RASGRP3: variants seen among roughly 807,000 people sequenced by gnomAD.
The protein encoded by RASGRP3 is RAS guanyl releasing protein 3, also known as ras guanyl-releasing protein 3.
Under a neutral mutation model 82.7 loss-of-function variants are expected in RASGRP3, and 54 were observed. The observed-to-expected ratio is 0.65, with a 90% CI of 0.52 to 0.82. The LOEUF is 0.82. RASGRP3 is among the 40% of genes least tolerant of loss of function. RASGRP3 has a pLI of 0.00. For synonymous variants in RASGRP3, 309 were observed against 300.5 expected (o/e 1.03, Z -0.29); for missense variants, 861 against 828.9 (o/e 1.04, Z -0.48).
intron 5 of RASGRP3, among the ~76,000 whole-genome samples, 180 bp downstream of exon 5, chr2:33,520,194 C>T (rs745710928): frequency 6.6e-6 from 1 of 152,040 alleles, no homozygotes; most frequent in East Asian, 1.9e-4. Context: ...ATCTTTTGGA[C>T]TAGAGATCAA....
intron 13 of RASGRP3, among the ~76,000 whole-genome samples, chr2:33,548,279 T>C (rs1317413601): frequency 1.4e-5 from 2 of 140,642 alleles, no homozygotes; most frequent in African/African-American, 5.4e-5. Context: ...GAGAATGGCG[T>C]GAACCTGGGA....
rs952861827 is a variant in RASGRP3, at chr2:33,564,161, C to G, written c.*1424C>G. Reference sequence around the variant, plus strand: ...TGTTGAGTACCTGTTCTGGGCAGGTCCCACGCTATATGCACAAAGTTAAGA... The same window carrying G: ...TGTTGAGTACCTGTTCTGGGCAGGTGCCACGCTATATGCACAAAGTTAAGA... On this transcript the variant is annotated 3_prime_UTR_variant, in exon 18 of 18. Transcript: ENST00000403687. 1 of 152,164 alleles carries G rather than the reference C, an allele frequency of 6.6e-6. No homozygotes were observed. The highest frequency in any genetic ancestry group is 1.5e-5 in the Non-Finnish European group (1 of 68,046). The allele number at this position is 152,164 out of a possible 1,614,324, so 9.4% of individuals were successfully genotyped here.
upstream of RASGRP3, among the ~76,000 whole-genome samples, chr2:33,473,495 T>A (rs72865958): frequency 0.02 from 3,094 of 152,286 alleles, 99 homozygotes; most frequent in African/African-American, 0.07. Flanking sequence ...GGCGTGGTTG[T>A]TGTCGAGAGT....
intron 10 of RASGRP3, among the ~76,000 whole-genome samples, chr2:33,529,338 CA>C (rs1012503739): frequency 4.6e-4 from 69 of 151,248 alleles, no homozygotes; most frequent in Admixed American, 2.2e-3. Context: ...ACTAAAAATA[CA>C]AAAAAATTAG....
At chr2:33,502,501 C>CTTTTTTT (rs3083004) in intron 1 of RASGRP3, among the ~76,000 whole-genome samples, 1 of 135,752 alleles carries the variant, frequency 7.4e-6, no homozygotes, top group Non-Finnish European at 1.6e-5. Flanking sequence ...TTTTTTCTTT[C>CTTTTTTT]TTTTTTTTTT....
chr2:33,460,653 T>G (rs1666309436), intron 2 of RASGRP3, among the ~76,000 whole-genome samples: 1 of 152,060 alleles, frequency 6.6e-6, no homozygotes, highest in East Asian at 1.9e-4. Context: ...TAGCTGGGAC[T>G]ACAGGCACAA....
intron 15 of RASGRP3, among the ~76,000 whole-genome samples, chr2:33,556,876 C>G (rs867699389): frequency 7.4e-6 from 1 of 135,638 alleles, no homozygotes; most frequent in Non-Finnish European, 1.6e-5. Context: ...GGTTTCTATC[C>G]TCATACCCTA....
intron 12 of RASGRP3, among the ~76,000 whole-genome samples, chr2:33,540,863 A>T (rs910691762): frequency 1.9e-4 from 14 of 74,718 alleles, no homozygotes; most frequent in Non-Finnish European, 3.8e-4. Flanking sequence ...ACTGGAATTA[A>T]AAAAAAAAAG....
chr2:33,540,296 A>G (rs1441367784), intron 12 of RASGRP3: 1 of 146,986 alleles, frequency 6.8e-6, no homozygotes. Context: ...GCCAAGAGGA[A>G]TATTAGTGAG....
chr2:33,498,438 A>T (rs1291029808), intron 1 of RASGRP3, among the ~76,000 whole-genome samples: 1 of 152,216 alleles, frequency 6.6e-6, no homozygotes, highest in Admixed American at 6.5e-5. Context: ...GAACTCAGTA[A>T]AGAACGAGTA....
chr2:33,504,243 G>C (rs1376237218), intron 1 of RASGRP3, among the ~76,000 whole-genome samples: 2 of 152,032 alleles, frequency 1.3e-5, no homozygotes, highest in Non-Finnish European at 2.9e-5. Context: ...ATAAAGCTTA[G>C]TATCTTTCCT....
At chr2:33,454,629 A>G (rs1236326807) in intron 2 of RASGRP3, among the ~76,000 whole-genome samples, 1 of 152,218 alleles carries the variant, frequency 6.6e-6, no homozygotes, top group Non-Finnish European at 1.5e-5. Flanking sequence ...CCCAAGTGGG[A>G]GATCACCCAT....
At chr2:33,528,693 T>C (rs1424146734) in intron 10 of RASGRP3, among the ~76,000 whole-genome samples, 1 of 152,204 alleles carries the variant, frequency 6.6e-6, no homozygotes, top group Non-Finnish European at 1.5e-5. Flanking sequence ...CTAGACCATG[T>C]AATTGTTTAC....
intron 12 of RASGRP3, among the ~76,000 whole-genome samples, chr2:33,540,379 G>A (rs758956568): frequency 2.7e-5 from 4 of 146,066 alleles, no homozygotes; most frequent in Admixed American, 7.1e-5. Context: ...GCTGGGGAAG[G>A]TGAGAAAAGG....
intron 4 of RASGRP3, 24 bp from the exon 5 acceptor site, chr2:33,519,928 A>AT (rs759481075): frequency 3.2e-5 from 50 of 1,579,502 alleles, no homozygotes; most frequent in African/African-American, 1.7e-4. Context: ...AGGTGCAAGG[A>AT]TTTTTTTTCT....
chr2:33,471,362 T>TG (rs61535683), intron 2 of RASGRP3, among the ~76,000 whole-genome samples: 2 of 143,808 alleles, frequency 1.4e-5, no homozygotes, highest in Non-Finnish European at 3.0e-5. Context: ...TTTTTTTTTT[T>TG]GTAGAGATGG....
intron 1 of RASGRP3, among the ~76,000 whole-genome samples, chr2:33,483,292 C>T (rs1335687910): frequency 6.6e-6 from 1 of 152,004 alleles, no homozygotes; most frequent in East Asian, 1.9e-4. Flanking sequence ...GGATCGATCT[C>T]CACCCCACAA....
At chr2:33,456,240 G>C (rs1666027371) in intron 2 of RASGRP3, among the ~76,000 whole-genome samples, 1 of 152,096 alleles carries the variant, frequency 6.6e-6, no homozygotes, top group Non-Finnish European at 1.5e-5. Flanking sequence ...AGTAAAAATG[G>C]ATCTGTCTTT....
chr2:33,483,849 G>T (rs1230857350), intron 1 of RASGRP3, among the ~76,000 whole-genome samples: 4 of 152,134 alleles, frequency 2.6e-5, no homozygotes, highest in African/African-American at 9.7e-5. Context: ...CCACATTTGA[G>T]TGTATGTATG....
Sources: allele counts gnomAD v4.1 joint callset (sites outside exome capture counted in the v4.1 genomes callset), GRCh38; gene constraint gnomAD v4.1.1; transcripts MANE v1.5; gene names NCBI Gene and HGNC (gene_info 2026-07-23, HGNC 2026-07-21).